CALN1: variants seen among roughly 807,000 people sequenced by gnomAD.
CALN1 encodes the protein calneuron 1, also known as calcium-binding protein 8.
Under a neutral mutation model 30.6 loss-of-function variants are expected in CALN1, and 17 were observed. That is an observed-to-expected ratio of 0.56 (90% CI 0.38 to 0.83). CALN1 has a LOEUF of 0.83. Ranked by LOEUF, CALN1 falls within the 40% of genes least tolerant of loss-of-function variation. The pLI, the probability that CALN1 is intolerant of heterozygous loss-of-function variation, is 0.00. For missense variants in CALN1, 291 were observed against 354.9 expected, an observed-to-expected ratio of 0.82 and a Z score of 1.45; for synonymous variants, 156 against 131.4, an observed-to-expected ratio of 1.19 and a Z score of -1.28.
intron 3 of CALN1, among the ~76,000 whole-genome samples, chr7:72,272,566 A>T (rs907506673): frequency 1.3e-5 from 2 of 152,042 alleles, no homozygotes; most frequent in African/African-American, 4.8e-5. Context: ...TGTCTCCACG[A>T]AAAAAAAGAA....
At chr7:72,182,644 TGGG>T (rs1789896016) in intron 3 of CALN1, among the ~76,000 whole-genome samples, 2 of 151,488 alleles carry the variant, frequency 1.3e-5, no homozygotes, top group Admixed American at 1.3e-4. Context: ...GGCTTGAACC[TGGG>T]AGGTGGAGGT....
intron 4 of CALN1, among the ~76,000 whole-genome samples, chr7:72,056,474 G>C (rs1177054751): frequency 6.6e-6 from 1 of 152,090 alleles, no homozygotes; most frequent in Non-Finnish European, 1.5e-5. Context: ...GAAAAGACAG[G>C]TAAAGAACTT....
intron 2 of CALN1, among the ~76,000 whole-genome samples, chr7:72,370,674 T>C (rs895626686): frequency 7.0e-6 from 1 of 143,848 alleles, no homozygotes; most frequent in Non-Finnish European, 1.6e-5. Flanking sequence ...AAAAAAAAAG[T>C]AAAATTAATA....
chr7:72,064,430 A>G (rs1803880666), intron 4 of CALN1, among the ~76,000 whole-genome samples: 1 of 152,190 alleles, frequency 6.6e-6, no homozygotes, highest in Non-Finnish European at 1.5e-5. Flanking sequence ...GGCAAAACTA[A>G]TCACTTTTGG....
chr7:72,212,078 C>T (rs1472620991), intron 3 of CALN1, among the ~76,000 whole-genome samples: 3 of 152,020 alleles, frequency 2.0e-5, no homozygotes, highest in Non-Finnish European at 1.5e-5. Context: ...AGGGGCCGGG[C>T]ACGGTGACTC....
chr7:72,042,548 T>C (rs373515376), intron 4 of CALN1, among the ~76,000 whole-genome samples: 104 of 152,240 alleles, frequency 6.8e-4, no homozygotes, highest in African/African-American at 2.4e-3. Flanking sequence ...AGGCACTCTC[T>C]GCCTGGCATG....
chr7:72,464,248 G>C, the CALN1 span, among the ~76,000 whole-genome samples: 5 of 152,262 alleles, frequency 3.3e-5, no homozygotes, highest in Admixed American at 1.3e-4. Flanking sequence ...GTTCAAGGCT[G>C]CAGTGAGCTA....
intron 1 of CALN1, among the ~76,000 whole-genome samples, chr7:72,407,246 G>A (rs568091658): frequency 2.4e-4 from 37 of 152,180 alleles, no homozygotes; most frequent in Non-Finnish European, 4.4e-4. Flanking sequence ...TCACTTTCCT[G>A]ATCTGCAAAA....
chr7:71,813,659 GT>G (rs1034583101), intron 5 of CALN1, among the ~76,000 whole-genome samples: 3 of 152,116 alleles, frequency 2.0e-5, no homozygotes, highest in Non-Finnish European at 2.9e-5. Context: ...GCCGGGCGCG[GT>G]GGCTCACGCC....
intron 3 of CALN1, among the ~76,000 whole-genome samples, chr7:72,264,219 C>T (rs781246327): frequency 9.9e-5 from 15 of 152,144 alleles, no homozygotes; most frequent in Non-Finnish European, 1.8e-4. Flanking sequence ...AAGGAAAAGT[C>T]GCTCTGAAAC....
At chr7:71,889,678 G>C (rs2116873471) in intron 5 of CALN1, among the ~76,000 whole-genome samples, 1 of 152,316 alleles carries the variant, frequency 6.6e-6, no homozygotes, top group South Asian at 2.1e-4. Context: ...CACTTGGCTG[G>C]GCACGGTGGC....
chr7:71,788,735 A>G (rs1395183310), intron 6 of CALN1, among the ~76,000 whole-genome samples: 3 of 151,726 alleles, frequency 2.0e-5, no homozygotes, highest in East Asian at 3.9e-4. Flanking sequence ...TTGGCTCACT[A>G]CAAGCTCCAC....
intron 4 of CALN1, among the ~76,000 whole-genome samples, chr7:72,065,657 C>A (rs957164044): frequency 6.6e-6 from 1 of 152,018 alleles, no homozygotes; most frequent in Non-Finnish European, 1.5e-5. Flanking sequence ...AGGACCGAAC[C>A]CCACGCTTCA....
intron 1 of CALN1, among the ~76,000 whole-genome samples, chr7:72,408,955 G>C (rs1389112102): frequency 5.9e-5 from 9 of 151,964 alleles, no homozygotes; most frequent in Admixed American, 5.9e-4. Flanking sequence ...TGGGATTGCA[G>C]GTGTGAGCCA....
intron 4 of CALN1, among the ~76,000 whole-genome samples, chr7:72,048,038 C>CT (rs35051822): frequency 0.18 from 24,942 of 135,896 alleles, 2,998 homozygotes; most frequent in Middle Eastern, 0.27. Flanking sequence ...TCTTCTTCTT[C>CT]TTCTTTTTTT....
chr7:72,248,263 C>G (rs1475809907), intron 3 of CALN1, among the ~76,000 whole-genome samples: 14 of 152,130 alleles, frequency 9.2e-5, no homozygotes, highest in Admixed American at 8.5e-4. Context: ...TACAAGTGCT[C>G]GCCACCACAC....
rs149385300 is a variant in CALN1 at position 72,399,158 on chromosome 7, G to A, written c.119+4093C>T. ...AGGAGCGGACAATCTAGGATCTTCTGCAGTAACGTAGGCTGACAAATGGGA... is the reference window on the plus strand; with the variant it reads ...AGGAGCGGACAATCTAGGATCTTCTACAGTAACGTAGGCTGACAAATGGGA... On this transcript the variant is annotated intron_variant, in intron 2 of 6. Transcript: ENST00000395275. 6.6e-3 allele frequency among the ~76,000 whole-genome samples: 1,011 copies of A among 152,210 alleles called. 9 individuals are homozygous for A. Among genetic ancestry groups the A allele is most frequent in the Middle Eastern group, 0.027 (8 of 294 alleles).
intron 5 of CALN1, among the ~76,000 whole-genome samples, chr7:71,951,485 G>A (rs1024976304): frequency 2.0e-5 from 3 of 152,152 alleles, no homozygotes; most frequent in African/African-American, 7.2e-5. Context: ...CAGCTACTTG[G>A]GAGGCTGAGG....
intron 2 of CALN1, among the ~76,000 whole-genome samples, chr7:72,389,848 G>A (rs1805464501): frequency 6.6e-6 from 1 of 151,884 alleles, no homozygotes; most frequent in Non-Finnish European, 1.5e-5. Flanking sequence ...GAACCCGGGA[G>A]GCGGAGGTTG....
Sources: allele counts gnomAD v4.1 joint callset (sites outside exome capture counted in the v4.1 genomes callset), GRCh38; gene constraint gnomAD v4.1.1; transcripts MANE v1.5; gene names NCBI Gene and HGNC (gene_info 2026-07-23, HGNC 2026-07-21).